The following VAV3 variants were observed in gnomAD, a reference collection of about 807,000 sequenced individuals.
VAV3 encodes vav guanine nucleotide exchange factor 3, also known as guanine nucleotide exchange factor VAV3.
VAV3 carries 94 observed loss-of-function variants against 131.2 expected under a neutral mutation model. That is an observed-to-expected ratio of 0.72 (90% CI 0.61 to 0.85). The LOEUF is 0.85. VAV3 is among the 40% of genes least tolerant of loss of function. VAV3 has a pLI of 0.00. For synonymous variants in VAV3, 349 were observed against 342.0 expected, an observed-to-expected ratio of 1.02 and a Z score of -0.22; for missense variants, 939 against 1,002.7, an observed-to-expected ratio of 0.94 and a Z score of 0.86.
At chr1:107,825,457 G>GA (rs543209345) in intron 2 of VAV3, among the ~76,000 whole-genome samples, 262 of 144,932 alleles carry the variant, frequency 1.8e-3, no homozygotes, top group South Asian at 6.5e-3. Context: ...ACCCTCGCGG[G>GA]AAAAAAAAAA....
chr1:107,753,539 T>TATAC (rs1663904414), intron 12 of VAV3, among the ~76,000 whole-genome samples: 1 of 83,806 alleles, frequency 1.2e-5, no homozygotes, highest in Admixed American at 1.2e-4. Flanking sequence ...TATATATATA[T>TATAC]ATATATATAT....
At chr1:107,814,041 T>C (rs1447990357) in intron 2 of VAV3, among the ~76,000 whole-genome samples, 1 of 151,620 alleles carries the variant, frequency 6.6e-6, no homozygotes, top group Non-Finnish European at 1.5e-5. Flanking sequence ...TCTTTACCCA[T>C]TTATCTGTTG....
intron 19 of VAV3, among the ~76,000 whole-genome samples, chr1:107,650,910 G>A (rs1440695218): frequency 6.6e-6 from 1 of 151,958 alleles, no homozygotes; most frequent in Admixed American, 6.6e-5. Flanking sequence ...ATGATAGACT[G>A]GATTAAGAAA....
intron 2 of VAV3, among the ~76,000 whole-genome samples, chr1:107,825,890 T>C (rs961513740): frequency 6.6e-6 from 1 of 152,148 alleles, no homozygotes; most frequent in Non-Finnish European, 1.5e-5. Context: ...CCTTACAATG[T>C]TGTAAATTTA....
At chr1:107,884,063 G>C (rs923723894) in intron 1 of VAV3, among the ~76,000 whole-genome samples, 2 of 151,496 alleles carry the variant, frequency 1.3e-5, no homozygotes, top group African/African-American at 4.9e-5. Flanking sequence ...TGCCTTTGGT[G>C]AAAGAAAGTA....
At chr1:107,673,489 AT>A (rs1432079489) in intron 19 of VAV3, 8 of 152,154 alleles carry the variant, frequency 5.3e-5, no homozygotes, top group Non-Finnish European at 1.2e-4. Flanking sequence ...CATATCCTGG[AT>A]TCCAGGTTAG....
chr1:107,964,730 A>C lies in VAV3; in HGVS notation c.140T>G (p.Leu47Arg). Residue 47 changes from leucine (L) to arginine (R), a missense_variant, in exon 1 of 27, where the codon CTT (leucine) becomes CGT (arginine). By Grantham distance (102) the Leu-to-Arg change is moderately radical. Coordinates refer to ENST00000370056, the MANE Select transcript of VAV3 (RefSeq NM_006113.5). ...LRDGVLLCQL[L>R]NNLRAHSINL... ...GATGGAGTGCGCCCGGAGGTTGTTA[A>C]GCAGCTGGCAGAGCAGGACTCCATC... 7.4e-6 allele frequency: 12 copies of C among 1,614,114 alleles called. No individual in the cohort carries two copies. The highest frequency in any genetic ancestry group is 1.0e-5 in the Non-Finnish European group (12 of 1,180,008).
At chr1:107,709,627 C>T (rs555574177) in intron 15 of VAV3, among the ~76,000 whole-genome samples, 3 of 152,284 alleles carry the variant, frequency 2.0e-5, no homozygotes, top group South Asian at 2.1e-4. Context: ...CCCCACGTGT[C>T]GTGAGAGGGA....
intron 1 of VAV3, among the ~76,000 whole-genome samples, chr1:107,904,189 G>A (rs553522691): frequency 6.6e-6 from 1 of 152,244 alleles, no homozygotes; most frequent in South Asian, 2.1e-4. Context: ...GTATCAATCA[G>A]AAAAGGCACC....
At chr1:107,730,741 C>T (rs1208706526) in intron 15 of VAV3, among the ~76,000 whole-genome samples, 2 of 152,116 alleles carry the variant, frequency 1.3e-5, no homozygotes, top group Non-Finnish European at 2.9e-5. Flanking sequence ...AGTATTTAAA[C>T]TCTAAATCAT....
At chr1:107,933,669 G>T (rs1289381827) in intron 1 of VAV3, among the ~76,000 whole-genome samples, 1 of 151,746 alleles carries the variant, frequency 6.6e-6, no homozygotes, top group Non-Finnish European at 1.5e-5. Context: ...TTAAAAATTA[G>T]CTGAGTATGA....
At chr1:107,918,685 GCA>G (rs1672736273) in intron 1 of VAV3, among the ~76,000 whole-genome samples, 1 of 133,766 alleles carries the variant, frequency 7.5e-6, no homozygotes, top group African/African-American at 3.0e-5. Flanking sequence ...TATTTTTAAG[GCA>G]TATATATATA....
intron 19 of VAV3, among the ~76,000 whole-genome samples, chr1:107,677,292 T>C (rs1166887826): frequency 6.6e-6 from 1 of 152,166 alleles, no homozygotes; most frequent in Non-Finnish European, 1.5e-5. Flanking sequence ...TTGGATATCA[T>C]TTGCATCAAA....
chr1:107,871,957 A>C (rs1273244547), intron 2 of VAV3, among the ~76,000 whole-genome samples: 1 of 152,194 alleles, frequency 6.6e-6, no homozygotes, highest in Non-Finnish European at 1.5e-5. Context: ...CAGTATCCTA[A>C]ATCTTTCCTT....
chr1:107,927,386 A>G (rs536830303), intron 1 of VAV3, among the ~76,000 whole-genome samples: 1 of 152,194 alleles, frequency 6.6e-6, no homozygotes, highest in African/African-American at 2.4e-5. Context: ...GTGGCTATGG[A>G]GAGAGATGCC....
intron 24 of VAV3, among the ~76,000 whole-genome samples, chr1:107,600,550 C>T (rs1057228412): frequency 6.6e-6 from 1 of 152,148 alleles, no homozygotes; most frequent in African/African-American, 2.4e-5. Context: ...ATAAGAAAAG[C>T]TTACTTTAGT....
chr1:107,888,330 C>T (rs900640361), intron 1 of VAV3, among the ~76,000 whole-genome samples: 4 of 152,204 alleles, frequency 2.6e-5, no homozygotes, highest in African/African-American at 9.6e-5. Context: ...TAGCTCAGAT[C>T]AGCAAAACAC....
At chr1:107,731,988 CA>C (rs1441218759) in intron 15 of VAV3, among the ~76,000 whole-genome samples, 1 of 151,432 alleles carries the variant, frequency 6.6e-6, no homozygotes, top group Non-Finnish European at 1.5e-5. Context: ...ACTTAACTTA[CA>C]ACAACTTACT....
intron 25 of VAV3, among the ~76,000 whole-genome samples, chr1:107,592,866 C>G (rs1459298534): frequency 6.6e-6 from 1 of 152,088 alleles, no homozygotes; most frequent in East Asian, 1.9e-4. Context: ...ACAAGCCCTA[C>G]AGGTAAACCT....
Sources: allele counts gnomAD v4.1 joint callset (sites outside exome capture counted in the v4.1 genomes callset), GRCh38; gene constraint gnomAD v4.1.1; transcripts MANE v1.5; gene names NCBI Gene and HGNC (gene_info 2026-07-23, HGNC 2026-07-21).